UST: variants seen among roughly 807,000 people sequenced by gnomAD.
UST encodes chondroitin sulfate 2-O-sulfotransferase.
A neutral mutation model predicts 45.6 loss-of-function variants in UST; 21 were observed. That is an observed-to-expected ratio of 0.46 (90% CI 0.33 to 0.66). The LOEUF (loss-of-function observed/expected upper bound fraction) is 0.66. UST is among the 30% of genes least tolerant of loss of function. UST has a pLI of 0.02. For synonymous variants in UST, 215 were observed against 200.6 expected (o/e 1.07, Z -0.61); for missense variants, 463 against 512.4 (o/e 0.90, Z 0.93).
At chr6:148,981,920 A>G (rs1438196987) in intron 5 of UST, among the ~76,000 whole-genome samples, 1 of 152,136 alleles carries the variant, frequency 6.6e-6, no homozygotes, top group Non-Finnish European at 1.5e-5. Flanking sequence ...TAAAGAAAAG[A>G]AATTTCTTTC....
intron 1 of UST, among the ~76,000 whole-genome samples, chr6:148,819,010 A>T (rs1322483810): frequency 6.6e-6 from 1 of 152,166 alleles, no homozygotes. Context: ...TGGGGAAAAA[A>T]ATGAGTTCAG....
chr6:148,898,951 T>A (rs1208999166), intron 2 of UST, among the ~76,000 whole-genome samples: 2 of 152,180 alleles, frequency 1.3e-5, no homozygotes, highest in African/African-American at 4.8e-5. Flanking sequence ...GGAAAGCATA[T>A]TTAATCAAGA....
In UST at chr6:149,002,663, C is replaced by T. The variant is rs563326373; in HGVS notation, c.682-16476C>T. 3.9e-5 allele frequency among the ~76,000 whole-genome samples: 6 copies of T among 152,230 alleles called. No homozygotes were observed. The South Asian group carries it at 6.2e-4, about 16-fold the overall frequency. ...CTGGGACTACAGGCACAGACCACCA[C>T]GCCCAGCTAATTTTTGTATTTTTAC... is the stretch of plus-strand genomic sequence containing the variant. On this transcript the variant is annotated intron_variant, in intron 5 of 7. Transcript: ENST00000367463.
chr6:148,940,039 G>A (rs143596160), intron 2 of UST, among the ~76,000 whole-genome samples: 1 of 152,252 alleles, frequency 6.6e-6, no homozygotes, highest in East Asian at 1.9e-4. Flanking sequence ...AATGGATGAT[G>A]GATTTGAATA....
intron 1 of UST, among the ~76,000 whole-genome samples, chr6:148,776,776 C>T (rs560604361): frequency 9.9e-5 from 15 of 152,270 alleles, no homozygotes; most frequent in African/African-American, 2.6e-4. Context: ...TATTAGTCAT[C>T]GTTTGAATCT....
chr6:148,813,215 T>A (rs1487486093), intron 1 of UST, among the ~76,000 whole-genome samples: 1 of 152,174 alleles, frequency 6.6e-6, no homozygotes, highest in Non-Finnish European at 1.5e-5. Flanking sequence ...GTAAGTGCCC[T>A]CAGTTGGCTA....
At position 148,941,265 on chromosome 6, in the gene UST, G is replaced by T; in HGVS notation, c.292-14G>T. 1 of 1,612,770 alleles carries T rather than the reference G, an allele frequency of 6.2e-7. No individual in the cohort carries two copies. Among genetic ancestry groups the T allele is most frequent in the Middle Eastern group, 1.7e-4 (1 of 6,052 alleles). ...ACAGACGTTTCATGTTTGTTCTCTT[G>T]GTTTTTTTCCCAGGTACTACCTTTC... On this transcript the variant is annotated splice_polypyrimidine_tract_variant and intron_variant, in intron 2 of 7. Transcript: ENST00000367463.
chr6:148,942,335 C>T (rs1780143396), intron 3 of UST, among the ~76,000 whole-genome samples: 2 of 151,894 alleles, frequency 1.3e-5, no homozygotes. Context: ...GCCTGAGGAT[C>T]GAGATCAAGG....
At chr6:148,908,581 C>T (rs1316829500) in intron 2 of UST, among the ~76,000 whole-genome samples, 1 of 152,154 alleles carries the variant, frequency 6.6e-6, no homozygotes, top group Non-Finnish European at 1.5e-5. Context: ...AATTGTAATA[C>T]AGGGCTTCTA....
intron 5 of UST, among the ~76,000 whole-genome samples, chr6:148,979,972 CTTTG>C (rs771571640): frequency 3.3e-5 from 5 of 152,124 alleles, no homozygotes; most frequent in Non-Finnish European, 5.9e-5. Flanking sequence ...TCGAGTAACT[CTTTG>C]TTTGGAATGG....
intron 1 of UST, among the ~76,000 whole-genome samples, chr6:148,880,557 C>G (rs536140296): frequency 6.6e-6 from 1 of 152,196 alleles, no homozygotes; most frequent in Admixed American, 6.5e-5. Context: ...CCAACTAACT[C>G]CTGTGTACTT....
chr6:148,831,657 C>T (rs1001474741), intron 1 of UST, among the ~76,000 whole-genome samples: 6 of 152,044 alleles, frequency 3.9e-5, no homozygotes, highest in Admixed American at 1.3e-4. Flanking sequence ...TAGCTGAGTG[C>T]GGTGGCTCAT....
intron 5 of UST, among the ~76,000 whole-genome samples, chr6:148,972,629 T>C (rs1780939272): frequency 6.6e-6 from 1 of 152,244 alleles, no homozygotes; most frequent in African/African-American, 2.4e-5. Context: ...GCCAGGTGCA[T>C]CCGCCGGCCA....
At chr6:148,963,383 C>T (rs1479676644) in intron 4 of UST, among the ~76,000 whole-genome samples, 2 of 152,162 alleles carry the variant, frequency 1.3e-5, no homozygotes, top group African/African-American at 2.4e-5. Context: ...GACTGGGGCA[C>T]TCTCCCCGAA....
rs1356309220 is a variant in UST, at chr6:148,793,730, A to G, written c.247+46053A>G. On this transcript the variant is annotated intron_variant, in intron 1 of 7. Transcript: ENST00000367463. ...ATATTTGGCTCATGACTGCAATTGGAATAATATAGTATGTCTCCTTCTGAG... is the reference window on the plus strand; with the variant it reads ...ATATTTGGCTCATGACTGCAATTGGGATAATATAGTATGTCTCCTTCTGAG... 3.9e-5 allele frequency among the ~76,000 whole-genome samples: 6 copies of G among 152,242 alleles called. 1 individual carries two copies. In the South Asian group the frequency reaches 6.2e-4, roughly 16 times the overall value.
intron 5 of UST, among the ~76,000 whole-genome samples, chr6:149,009,543 A>G (rs1393501496): frequency 1.4e-5 from 2 of 140,892 alleles, no homozygotes; most frequent in African/African-American, 5.4e-5. Flanking sequence ...AGAGCACACA[A>G]TCTTCTCTGA....
At chr6:148,939,733 C>T (rs1582910237) in intron 2 of UST, among the ~76,000 whole-genome samples, 2 of 152,210 alleles carry the variant, frequency 1.3e-5, no homozygotes, top group African/African-American at 4.8e-5. Context: ...GGATCAAATA[C>T]CTAAATGTTA....
chr6:149,072,295 A>C lies in UST; in HGVS notation c.938-1538A>C, dbSNP rs534686830. 2.0e-5 allele frequency among the ~76,000 whole-genome samples: 3 copies of C among 152,354 alleles called. No homozygotes were observed. The South Asian group carries it at 6.2e-4, about 32-fold the overall frequency. On this transcript the variant is annotated intron_variant, in intron 7 of 7. Transcript: ENST00000367463. ...ATGGAAACAACCCAAGTGTCTCTCC[A>C]AGGATGAAAGGATAAACAAATTGCG...
chr6:148,786,327 C>T (rs1483868994), intron 1 of UST, among the ~76,000 whole-genome samples: 1 of 152,138 alleles, frequency 6.6e-6, no homozygotes, highest in Non-Finnish European at 1.5e-5. Context: ...CAGATCATCC[C>T]ATCACCCAGG....
Sources: gnomAD v4.1 joint callset for allele counts (sites outside exome capture counted in the v4.1 genomes callset) on GRCh38, gnomAD v4.1.1 for gene constraint, MANE v1.5 for transcripts, NCBI Gene and HGNC (gene_info 2026-07-23, HGNC 2026-07-21) for gene names.